The following ANK3 variants were observed in gnomAD, a reference collection of about 807,000 sequenced individuals.
The protein encoded by ANK3 is ankyrin 3, also known as ankyrin-3.
In ANK3, 57 loss-of-function variants were observed where a neutral mutation model predicts 370.9. The observed-to-expected ratio is 0.15, with a 90% CI of 0.12 to 0.19. ANK3 has a LOEUF of 0.19. Among genes scored for constraint, ANK3 ranks in the 10% least tolerant of loss-of-function variants. ANK3 has a pLI of 1.00. For synonymous variants in ANK3, 1,929 were observed against 1,946.3 expected, an observed-to-expected ratio of 0.99 and a Z score of 0.23; for missense variants, 4,439 against 5,302.1, an observed-to-expected ratio of 0.84 and a Z score of 5.06.
chr10:60,679,020 A>T (rs2079160689), intron 1 of ANK3, among the ~76,000 whole-genome samples: 1 of 152,022 alleles, frequency 6.6e-6, no homozygotes, highest in Non-Finnish European at 1.5e-5. Context: ...GATGCTTGGT[A>T]AAGAGAGTGC....
intron 1 of ANK3, among the ~76,000 whole-genome samples, chr10:60,282,809 A>G (rs1255248484): frequency 2.0e-5 from 3 of 152,180 alleles, no homozygotes; most frequent in South Asian, 4.1e-4. Context: ...CACCAAAACC[A>G]TAACAACCAC....
intron 5 of ANK3, among the ~76,000 whole-genome samples, chr10:60,265,614 A>G (rs768572319): frequency 7.2e-5 from 11 of 152,086 alleles, no homozygotes; most frequent in Non-Finnish European, 1.3e-4. Context: ...GTTACTTATT[A>G]TTTTATTTGG....
At chr10:60,355,863 T>C (rs1003953229) in intron 1 of ANK3, among the ~76,000 whole-genome samples, 9 of 118,384 alleles carry the variant, frequency 7.6e-5, no homozygotes, top group Non-Finnish European at 1.5e-4. Flanking sequence ...TTTTCTTCCT[T>C]CCTTCATTTA....
intron 21 of ANK3, among the ~76,000 whole-genome samples, chr10:60,171,577 G>T (rs989660083): frequency 1.4e-4 from 21 of 152,138 alleles, no homozygotes; most frequent in Non-Finnish European, 3.1e-4. Context: ...ATGGAGTCAG[G>T]AATAACTCAA....
At chr10:60,283,965 G>C (rs1453725905) in intron 1 of ANK3, among the ~76,000 whole-genome samples, 1 of 151,996 alleles carries the variant, frequency 6.6e-6, no homozygotes, top group East Asian at 1.9e-4. Flanking sequence ...TGGGTTGAAT[G>C]GTGTCTCCCC....
intron 26 of ANK3, among the ~76,000 whole-genome samples, chr10:60,113,618 G>T (rs1716782155): frequency 6.6e-6 from 1 of 152,194 alleles, no homozygotes; most frequent in South Asian, 2.1e-4. Flanking sequence ...ACTGAGGTGG[G>T]AGAATGGCTT....
chr10:60,192,232 C>T (rs575868462), intron 16 of ANK3, among the ~76,000 whole-genome samples: 3 of 151,584 alleles, frequency 2.0e-5, no homozygotes, highest in South Asian at 2.1e-4. Context: ...TCCCATGGTG[C>T]GCGTGTGTGT....
chr10:60,494,277 T>A (rs760276080), intron 2 of ANK3, among the ~76,000 whole-genome samples: 36 of 152,020 alleles, frequency 2.4e-4, no homozygotes, highest in Non-Finnish European at 1.3e-4. Flanking sequence ...TGGAAAAAAA[T>A]CATTAGAATG....
In ANK3 at chr10:60,071,453, G is replaced by C. The variant is rs752661020; in HGVS notation, c.9428C>G (p.Ser3143Cys). ...ATCATCTTCTGGACTACCTTGGGGA[G>C]AAGGAGGTTGCTTTTGCTGTCTAGT... The part of the protein sequence containing the change: ...YTTRQQKQPP[S>C]PQGSPEDDTL... Residue 3143 changes from serine to cysteine, a missense_variant, in exon 37 of 44, where the codon TCT becomes TGT. Physicochemically the swap from Ser to Cys is moderately radical, Grantham distance 112. Transcript: ENST00000280772. The C allele has an allele frequency of 1.2e-6, 2 of 1,614,026 alleles. No homozygotes were observed. The highest frequency in any genetic ancestry group is 1.7e-6 in the Non-Finnish European group (2 of 1,179,986).
rs16914635 is a variant in ANK3 at position 60,230,408 on chromosome 10, A to G, written c.897+4280T>C. The stretch of plus-strand genomic sequence containing the variant: ...TCATTTTAAAATTAGAAAGCTGCAT[A>G]TAGACCAGATTGACAAATATGCCTT... On this transcript the variant is annotated intron_variant, in intron 8 of 43. Coordinates refer to ENST00000280772, the MANE Select transcript of ANK3 (RefSeq NM_020987.5). 4.0e-3 allele frequency among the ~76,000 whole-genome samples: 605 copies of G among 152,350 alleles called. 11 individuals carry two copies. In the East Asian group the frequency reaches 0.041, roughly 10 times the overall value.
intron 1 of ANK3, among the ~76,000 whole-genome samples, chr10:60,369,935 T>C (rs1048465645): frequency 1.1e-4 from 16 of 152,138 alleles, no homozygotes; most frequent in Admixed American, 9.2e-4. Context: ...ATTAGTCTCA[T>C]GGATTTTGGG....
At chr10:60,308,944 T>G (rs570268492) in intron 1 of ANK3, among the ~76,000 whole-genome samples, 1 of 152,278 alleles carries the variant, frequency 6.6e-6, no homozygotes, top group East Asian at 1.9e-4. Context: ...AGCTTCCTAC[T>G]CACATTTCCC....
intron 2 of ANK3, among the ~76,000 whole-genome samples, chr10:60,469,081 ATATATATATATATACCACTTTTAG>A (rs1567066497): frequency 2.1e-4 from 17 of 80,372 alleles, no homozygotes; most frequent in East Asian, 1.1e-3. Flanking sequence ...ATATATATAT[ATATATATATATATACCACTTTTAG>A]TATATATATA....
rs557138141 is a variant in ANK3, at chr10:60,640,725, G to A, written c.58-25501C>T. On this transcript the variant is annotated intron_variant, in intron 1 of 43. Coordinates refer to the ANK3 transcript ENST00000373827. ...CTGGAAGCATTCCCTTTGAAAACTG[G>A]CACAAGACAGCGATGCCCTCTCTCA... Among the ~76,000 whole-genome samples, 648 of 79,558 alleles carry A rather than the reference G, an allele frequency of 8.1e-3. 139 individuals are homozygous for A. Among genetic ancestry groups the A allele is most frequent in the African/African-American group, 0.025 (604 of 24,624 alleles). The allele number at this position is 79,558 out of a possible 152,430, so 52.2% of individuals were successfully genotyped here.
chr10:60,294,159 G>GT (rs11398125), intron 1 of ANK3, among the ~76,000 whole-genome samples: 5,672 of 148,688 alleles, frequency 0.038, 276 homozygotes, highest in African/African-American at 0.11. Flanking sequence ...TTTCCCAACA[G>GT]TTTTTTTTTT....
intron 2 of ANK3, among the ~76,000 whole-genome samples, chr10:60,575,950 A>C (rs1357742146): frequency 1.3e-5 from 2 of 152,188 alleles, no homozygotes; most frequent in African/African-American, 4.8e-5. Context: ...TTTTAAATTA[A>C]AATTGCTCTG....
intron 8 of ANK3, among the ~76,000 whole-genome samples, chr10:60,224,782 T>A (rs2097112174): frequency 6.6e-6 from 1 of 152,008 alleles, no homozygotes; most frequent in Non-Finnish European, 1.5e-5. Context: ...AATTAAAAAC[T>A]GAAAACAATG....
rs187394631 is a variant in ANK3, at chr10:60,173,056, T to A, written c.2283+32A>T. On this transcript the variant is annotated intron_variant, in intron 19 of 43. Transcript: ENST00000280772. ...ATTCCTTTGAAGCAAAAATAAATGA[T>A]TCTGGCAGAAACAAAAAAGGAAGGA... 2.5e-6 allele frequency: 4 copies of A among 1,610,410 alleles called. No homozygotes were observed. In the East Asian group the frequency reaches 8.9e-5, roughly 36 times the overall value.
intron 1 of ANK3, among the ~76,000 whole-genome samples, chr10:60,728,863 G>A (rs1323530209): frequency 6.6e-6 from 1 of 152,114 alleles, no homozygotes; most frequent in South Asian, 2.1e-4. Context: ...AAATGCCAGG[G>A]GTGGTGGGTA....
Sources: allele counts gnomAD v4.1 joint callset (sites outside exome capture counted in the v4.1 genomes callset), GRCh38; gene constraint gnomAD v4.1.1; transcripts MANE v1.5; gene names NCBI Gene and HGNC (gene_info 2026-07-23, HGNC 2026-07-21).